CNTNAP2: variants seen among roughly 807,000 people sequenced by gnomAD.
The protein encoded by CNTNAP2 is contactin-associated protein-like 2.
CNTNAP2 carries 98 observed loss-of-function variants against 155.2 expected under a neutral mutation model. The ratio of observed to expected loss-of-function variants is 0.63; its 90% CI spans 0.54 to 0.75. The LOEUF is 0.75. Among genes scored for constraint, CNTNAP2 ranks in the 30% least tolerant of loss-of-function variants. The pLI is 0.00. For missense variants in CNTNAP2, 1,727 were observed against 1,688.1 expected, an observed-to-expected ratio of 1.02 and a Z score of -0.40; for synonymous variants, 651 against 631.2, an observed-to-expected ratio of 1.03 and a Z score of -0.47.
intron 1 of CNTNAP2, among the ~76,000 whole-genome samples, chr7:146,610,239 C>G (rs904007541): frequency 6.6e-5 from 10 of 152,060 alleles, no homozygotes; most frequent in Admixed American, 6.5e-4. Flanking sequence ...GGATTATTCT[C>G]GTGTAGTCGT....
chr7:147,556,123 C>T (rs1163008975), intron 11 of CNTNAP2, among the ~76,000 whole-genome samples: 3 of 152,120 alleles, frequency 2.0e-5, no homozygotes, highest in African/African-American at 4.8e-5. Flanking sequence ...TACTGGTAGA[C>T]ATAACCTTCA....
chr7:147,502,213 GAAA>G (rs751288817), intron 11 of CNTNAP2, among the ~76,000 whole-genome samples: 1 of 151,054 alleles, frequency 6.6e-6, no homozygotes, highest in Non-Finnish European at 1.5e-5. Context: ...TATAGAAATA[GAAA>G]AAAAAATCCT....
chr7:147,954,677 T>C (rs541056288), intron 14 of CNTNAP2, among the ~76,000 whole-genome samples: 1 of 152,322 alleles, frequency 6.6e-6, no homozygotes, highest in South Asian at 2.1e-4. Flanking sequence ...AATTTTTAGA[T>C]GACAATTTTA....
At chr7:148,229,299 G>A (rs114930514) in intron 19 of CNTNAP2, among the ~76,000 whole-genome samples, 2,425 of 152,280 alleles carry the variant, frequency 0.016, 61 homozygotes, top group African/African-American at 0.055. Flanking sequence ...TGAGGCGAAC[G>A]GATAGCCTGA....
chr7:146,444,739 C>A (rs1159142685), intron 1 of CNTNAP2, among the ~76,000 whole-genome samples: 1 of 151,308 alleles, frequency 6.6e-6, no homozygotes, highest in African/African-American at 2.4e-5. Context: ...CTCACTGCAA[C>A]TTCTGCCCCC....
intron 8 of CNTNAP2, among the ~76,000 whole-genome samples, chr7:147,255,786 G>C (rs1352317323): frequency 6.6e-6 from 1 of 152,034 alleles, no homozygotes; most frequent in Non-Finnish European, 1.5e-5. Flanking sequence ...ACCCAGGCTG[G>C]AGTACAGTAG....
At chr7:146,218,441 G>T (rs1437491766) in intron 1 of CNTNAP2, among the ~76,000 whole-genome samples, 1 of 151,980 alleles carries the variant, frequency 6.6e-6, no homozygotes, top group Admixed American at 6.6e-5. Flanking sequence ...CCTGAGAGGC[G>T]GAGCTTGCAG....
chr7:148,166,109 T>C (rs567723881), intron 17 of CNTNAP2, among the ~76,000 whole-genome samples: 1 of 151,840 alleles, frequency 6.6e-6, no homozygotes, highest in African/African-American at 2.4e-5. Context: ...CCCACCCCAC[T>C]CCAACTCTGG....
chr7:147,378,914 G>GT (rs1185561352), intron 9 of CNTNAP2, among the ~76,000 whole-genome samples: 1 of 151,910 alleles, frequency 6.6e-6, no homozygotes, highest in Non-Finnish European at 1.5e-5. Flanking sequence ...TTGAATTGTA[G>GT]TTCCCATAAT....
At chr7:147,445,693 C>T (rs2116558054) in intron 10 of CNTNAP2, among the ~76,000 whole-genome samples, 1 of 152,264 alleles carries the variant, frequency 6.6e-6, no homozygotes, top group East Asian at 1.9e-4. Context: ...TTATTTTATT[C>T]TCCTTTCAGA....
intron 20 of CNTNAP2, among the ~76,000 whole-genome samples, chr7:148,255,386 G>A (rs532842706): frequency 5.9e-5 from 9 of 152,226 alleles, no homozygotes; most frequent in African/African-American, 7.2e-5. Flanking sequence ...CCTCCTGTCC[G>A]TTGACATTTA....
chr7:147,313,956 T>C (rs865999124), intron 9 of CNTNAP2, among the ~76,000 whole-genome samples: 2 of 151,736 alleles, frequency 1.3e-5, no homozygotes, highest in Non-Finnish European at 2.9e-5. Flanking sequence ...GGGTTTGTAG[T>C]TCTCCTTGAA....
chr7:146,732,770 A>G (rs1044929761), intron 1 of CNTNAP2, among the ~76,000 whole-genome samples: 1 of 152,128 alleles, frequency 6.6e-6, no homozygotes, highest in Non-Finnish European at 1.5e-5. Flanking sequence ...AGTATTTTCT[A>G]TAACCTGCAC....
chr7:147,360,111 A>G (rs1796123431), intron 9 of CNTNAP2, among the ~76,000 whole-genome samples: 2 of 152,146 alleles, frequency 1.3e-5, no homozygotes. Flanking sequence ...TAAAATATAC[A>G]CCACTACTAG....
intron 1 of CNTNAP2, among the ~76,000 whole-genome samples, chr7:146,320,989 A>G (rs1014583754): frequency 6.6e-6 from 1 of 152,256 alleles, no homozygotes; most frequent in East Asian, 1.9e-4. Flanking sequence ...TAGAGTTCTT[A>G]TCAGAAGCTC....
intron 13 of CNTNAP2, among the ~76,000 whole-genome samples, chr7:147,742,407 C>T (rs1308869405): frequency 6.6e-6 from 1 of 152,222 alleles, no homozygotes; most frequent in Non-Finnish European, 1.5e-5. Flanking sequence ...ACCATACACT[C>T]TCCTAGCTGC....
intron 1 of CNTNAP2, among the ~76,000 whole-genome samples, chr7:146,161,018 T>G (rs1489854775): frequency 6.6e-6 from 1 of 152,220 alleles, no homozygotes; most frequent in Non-Finnish European, 1.5e-5. Flanking sequence ...TCAAGTTGGC[T>G]TCATCCCTGG....
chr7:146,443,079 T>C lies in CNTNAP2; in HGVS notation c.97+326106T>C, dbSNP rs1179111419. On this transcript the variant is annotated intron_variant, in intron 1 of 23. Transcript: ENST00000361727. ...ACAAAAAAAAATTAGCTGGGCGTGG[T>C]GGCGGGCGACTGTAGTCCCAGCTAC... Among the ~76,000 whole-genome samples the C allele has an allele frequency of 2.0e-5, 3 of 150,094 alleles. No individual in the cohort carries two copies. The East Asian group carries it at 5.9e-4, about 29-fold the overall frequency.
At chr7:148,220,018 G>A (rs575583437) in intron 19 of CNTNAP2, among the ~76,000 whole-genome samples, 12 of 152,330 alleles carry the variant, frequency 7.9e-5, no homozygotes, top group Middle Eastern at 3.4e-3. Flanking sequence ...GAAAAAGTAT[G>A]TTCCCTAGTA....
Sources: allele counts gnomAD v4.1 joint callset (sites outside exome capture counted in the v4.1 genomes callset), GRCh38; gene constraint gnomAD v4.1.1; transcripts MANE v1.5; gene names NCBI Gene and HGNC (gene_info 2026-07-23, HGNC 2026-07-21).